Variants in MAGI2 observed in about 807,000 individuals in gnomAD.
The protein encoded by MAGI2 is membrane-associated guanylate kinase, WW and PDZ domain-containing protein 2.
Under a neutral mutation model 133.3 loss-of-function variants are expected in MAGI2, and 35 were observed. The observed-to-expected ratio is 0.26, with a 90% confidence interval of 0.20 to 0.35. The LOEUF (loss-of-function observed/expected upper bound fraction) is 0.35, where lower values mean the gene tolerates loss of function less well. Ranked by LOEUF, MAGI2 falls within the 10% of genes least tolerant of loss-of-function variation. MAGI2 has a pLI of 1.00. For missense variants in MAGI2, 1,636 were observed against 1,863.4 expected (o/e 0.88, Z 2.25); for synonymous variants, 729 against 710.6 (o/e 1.03, Z -0.41).
chr7:79,149,153 A>G (rs2129546820), intron 1 of MAGI2, among the ~76,000 whole-genome samples: 1 of 145,042 alleles, frequency 6.9e-6, no homozygotes, highest in East Asian at 2.0e-4. Context: ...AAAATTATAT[A>G]TATATATTAT....
intron 3 of MAGI2, among the ~76,000 whole-genome samples, chr7:78,546,532 C>T (rs1798856311): frequency 6.6e-6 from 1 of 152,164 alleles, no homozygotes; most frequent in African/African-American, 2.4e-5. Flanking sequence ...ATAGCTTAAT[C>T]TAATCGTGGC....
chr7:78,349,017 C>T (rs991599146), intron 7 of MAGI2, among the ~76,000 whole-genome samples: 12 of 152,136 alleles, frequency 7.9e-5, no homozygotes, highest in African/African-American at 2.9e-4. Context: ...TATTGACATT[C>T]CTTTCCAAAT....
chr7:78,835,679 A>G (rs141229434), intron 2 of MAGI2, among the ~76,000 whole-genome samples: 2 of 152,316 alleles, frequency 1.3e-5, no homozygotes, highest in Admixed American at 6.5e-5. Flanking sequence ...TTGCTGTATC[A>G]TTCCTCACTC....
At chr7:78,031,146 A>G (rs980861957) in intron 21 of MAGI2, among the ~76,000 whole-genome samples, 1 of 152,242 alleles carries the variant, frequency 6.6e-6, no homozygotes, top group Non-Finnish European at 1.5e-5. Context: ...TCTGTATGAC[A>G]TTCTCAAATA....
intron 2 of MAGI2, among the ~76,000 whole-genome samples, chr7:78,655,464 A>AAAAACAAAAAAC (rs1554515313): frequency 0.016 from 2,305 of 147,148 alleles, 42 homozygotes; most frequent in Non-Finnish European, 0.025. Flanking sequence ...CAAAAAAAAA[A>AAAAACAAAAAAC]AAAAAAAAAA....
At chr7:78,758,405 T>C (rs1409833508) in intron 2 of MAGI2, among the ~76,000 whole-genome samples, 1 of 152,188 alleles carries the variant, frequency 6.6e-6, no homozygotes, top group African/African-American at 2.4e-5. Flanking sequence ...CAAACAAACT[T>C]CAAAGCCTCA....
At chr7:78,941,340 C>T (rs982398889) in intron 2 of MAGI2, among the ~76,000 whole-genome samples, 2 of 152,058 alleles carry the variant, frequency 1.3e-5, no homozygotes, top group Non-Finnish European at 1.5e-5. Context: ...AAGGTAATTT[C>T]TATTTCTTTT....
intron 1 of MAGI2, among the ~76,000 whole-genome samples, chr7:79,078,580 A>C (rs963251121): frequency 7.9e-5 from 12 of 152,210 alleles, no homozygotes; most frequent in Admixed American, 3.3e-4. Context: ...TTGTTGTATA[A>C]AAATAACATG....
intron 1 of MAGI2, among the ~76,000 whole-genome samples, chr7:79,047,374 T>C (rs891121569): frequency 1.3e-5 from 2 of 152,192 alleles, no homozygotes; most frequent in Middle Eastern, 3.5e-3. Context: ...AAATGAAATA[T>C]CTACACAATA....
intron 1 of MAGI2, among the ~76,000 whole-genome samples, chr7:79,227,935 C>T (rs957605176): frequency 6.6e-6 from 1 of 152,092 alleles, no homozygotes; most frequent in Non-Finnish European, 1.5e-5. Flanking sequence ...GAAATGATAT[C>T]ATATTTAAAA....
At chr7:79,082,030 G>C (rs988453956) in intron 1 of MAGI2, among the ~76,000 whole-genome samples, 3 of 152,002 alleles carry the variant, frequency 2.0e-5, no homozygotes, top group Non-Finnish European at 2.9e-5. Flanking sequence ...TTGGTAAAAT[G>C]ACTATCCAAA....
intron 2 of MAGI2, among the ~76,000 whole-genome samples, chr7:78,898,363 C>T (rs968859213): frequency 6.6e-6 from 1 of 152,134 alleles, no homozygotes; most frequent in Non-Finnish European, 1.5e-5. Flanking sequence ...CATATGTTCA[C>T]TGCATCACCA....
chr7:78,888,074 G>A (rs1417538339), intron 2 of MAGI2, among the ~76,000 whole-genome samples: 1 of 152,192 alleles, frequency 6.6e-6, no homozygotes, highest in Non-Finnish European at 1.5e-5. Flanking sequence ...GGCATACCAG[G>A]AGATTATATC....
intron 3 of MAGI2, among the ~76,000 whole-genome samples, chr7:78,598,349 C>T (rs1398731846): frequency 2.0e-5 from 3 of 151,724 alleles, no homozygotes; most frequent in Non-Finnish European, 2.9e-5. Flanking sequence ...TAGTCTGGTA[C>T]GGGGAGGTGC....
At chr7:78,332,457 G>T (rs191195367) in intron 9 of MAGI2, among the ~76,000 whole-genome samples, 1 of 152,322 alleles carries the variant, frequency 6.6e-6, no homozygotes, top group South Asian at 2.1e-4. Context: ...CCAGCATTTC[G>T]GGAGGCCGAG....
At chr7:79,301,039 T>C (rs1427348254) in intron 1 of MAGI2, among the ~76,000 whole-genome samples, 1 of 152,208 alleles carries the variant, frequency 6.6e-6, no homozygotes, top group Non-Finnish European at 1.5e-5. Flanking sequence ...CCATCTAGAA[T>C]TCAGAGGATG....
At chr7:78,206,025 C>T (rs1829697291) in intron 10 of MAGI2, among the ~76,000 whole-genome samples, 1 of 152,116 alleles carries the variant, frequency 6.6e-6, no homozygotes, top group African/African-American at 2.4e-5. Flanking sequence ...CTTTTCAGAA[C>T]TTACTTTTCC....
At chr7:78,549,595 G>A (rs1799163674) in intron 3 of MAGI2, among the ~76,000 whole-genome samples, 1 of 152,038 alleles carries the variant, frequency 6.6e-6, no homozygotes, top group Non-Finnish European at 1.5e-5. Context: ...TCAATAACGA[G>A]TTAATAAAAT....
intron 3 of MAGI2, among the ~76,000 whole-genome samples, chr7:78,608,678 C>T (rs1469044194): frequency 6.6e-6 from 1 of 151,804 alleles, no homozygotes; most frequent in Non-Finnish European, 1.5e-5. Context: ...AATAAAATGC[C>T]GTTTTGAAGG....
Sources: allele counts gnomAD v4.1 joint callset (sites outside exome capture counted in the v4.1 genomes callset), GRCh38; gene constraint gnomAD v4.1.1; transcripts MANE v1.5; gene names NCBI Gene and HGNC (gene_info 2026-07-23, HGNC 2026-07-21).